DENND2A: variants seen among roughly 807,000 people sequenced by gnomAD.
DENND2A encodes the protein DENN domain-containing protein 2A.
DENND2A carries 53 observed loss-of-function variants against 105.3 expected under a neutral mutation model. The observed-to-expected ratio is 0.50, with a 90% confidence interval of 0.40 to 0.63. DENND2A has a LOEUF of 0.63. Among genes scored for constraint, DENND2A ranks in the 30% least tolerant of loss-of-function variants. The pLI, the probability that DENND2A is intolerant of heterozygous loss-of-function variation, is 0.00. For synonymous variants in DENND2A, 522 were observed against 508.4 expected (o/e 1.03, Z -0.36); for missense variants, 1,138 against 1,279.6 (o/e 0.89, Z 1.69).
intron 1 of DENND2A, among the ~76,000 whole-genome samples, chr7:140,607,560 C>T (rs562154429): frequency 6.6e-6 from 1 of 152,278 alleles, no homozygotes; most frequent in Non-Finnish European, 1.5e-5. Flanking sequence ...TTAAAGAAGC[C>T]AGGCCCCAGG....
intron 14 of DENND2A, among the ~76,000 whole-genome samples, chr7:140,537,530 C>G (rs1796493591): frequency 6.6e-6 from 1 of 152,234 alleles, no homozygotes; most frequent in Non-Finnish European, 1.5e-5. Flanking sequence ...TAGCCTCAAA[C>G]TCCTGGGCTC....
intron 1 of DENND2A, among the ~76,000 whole-genome samples, chr7:140,638,372 T>C (rs1180716590): frequency 6.6e-6 from 1 of 152,224 alleles, no homozygotes; most frequent in Non-Finnish European, 1.5e-5. Context: ...TACTTGCTTT[T>C]AGTCTAAGTT....
At position 140,621,813 on chromosome 7, in the gene DENND2A, A is replaced by G. The variant is rs151139014; in HGVS notation, c.-247-16007T>C. On this transcript the variant is annotated intron_variant, in intron 1 of 19. Transcript: ENST00000496613. ...AGGTGAAAGTGAATGCCACTTGTGG[A>G]AGAGCAGCCCTGAGTTGGGCTTGAA... Among the ~76,000 whole-genome samples, 513 of 152,354 alleles carry G rather than the reference A, an allele frequency of 3.4e-3. 3 individuals are homozygous for G. The highest frequency in any genetic ancestry group is 5.3e-3 in the Admixed American group (81 of 15,302).
At chr7:140,619,478 C>T (rs1800200740) in intron 1 of DENND2A, among the ~76,000 whole-genome samples, 1 of 151,084 alleles carries the variant, frequency 6.6e-6, no homozygotes, top group Non-Finnish European at 1.5e-5. Context: ...CACAACTCCA[C>T]AAATACACTA....
chr7:140,563,589 T>C (rs1316309483), intron 9 of DENND2A, among the ~76,000 whole-genome samples: 5 of 149,396 alleles, frequency 3.3e-5, no homozygotes, highest in Non-Finnish European at 5.9e-5. Flanking sequence ...AAAAGGGCCT[T>C]TCTACAGAGG....
At chr7:140,530,226 C>T (rs117576689) in intron 14 of DENND2A, among the ~76,000 whole-genome samples, 1 of 152,002 alleles carries the variant, frequency 6.6e-6, no homozygotes, top group Non-Finnish European at 1.5e-5. Flanking sequence ...CCTGTCTCAA[C>T]AACAACAAAA....
At chr7:140,532,991 C>CTTT (rs3042406) in intron 14 of DENND2A, among the ~76,000 whole-genome samples, 3,170 of 120,106 alleles carry the variant, frequency 0.026, 253 homozygotes, top group African/African-American at 0.081. Flanking sequence ...AGGCTACCTG[C>CTTT]TTTTTTTTTT....
chr7:140,528,668 G>A (rs1796146219), intron 14 of DENND2A, among the ~76,000 whole-genome samples: 1 of 151,618 alleles, frequency 6.6e-6, no homozygotes, highest in South Asian at 2.1e-4. Context: ...GCTGAGGCAG[G>A]AGAATCGGTT....
intron 6 of DENND2A, among the ~76,000 whole-genome samples, chr7:140,572,495 G>T (rs1409941737): frequency 6.6e-6 from 1 of 151,316 alleles, no homozygotes; most frequent in East Asian, 2.0e-4. Flanking sequence ...GGGCACGGTG[G>T]CTCATGCCTG....
At chr7:140,585,216 A>G (rs1318890427) in intron 5 of DENND2A, among the ~76,000 whole-genome samples, 1 of 152,182 alleles carries the variant, frequency 6.6e-6, no homozygotes, top group Non-Finnish European at 1.5e-5. Flanking sequence ...AATCAACAAC[A>G]ACAACCCACA....
chr7:140,556,215 G>A (rs7782076), intron 11 of DENND2A, among the ~76,000 whole-genome samples: 80,992 of 151,572 alleles, frequency 0.53, 22,480 homozygotes, highest in East Asian at 0.84. Context: ...AAGGGGTTTC[G>A]CCATATTGGC....
intron 12 of DENND2A, among the ~76,000 whole-genome samples, chr7:140,554,174 C>T (rs1452261406): frequency 3.3e-5 from 5 of 151,396 alleles, no homozygotes. Flanking sequence ...TGCAGTGAGC[C>T]GAGGTCGCAC....
chr7:140,593,904 T>C (rs1315662214), intron 3 of DENND2A, among the ~76,000 whole-genome samples: 1 of 152,044 alleles, frequency 6.6e-6, no homozygotes, highest in African/African-American at 2.4e-5. Flanking sequence ...CAAATCTTTT[T>C]TTTTTTTTTC....
chr7:140,579,314 T>TAAA (rs897267437), intron 5 of DENND2A, among the ~76,000 whole-genome samples: 4 of 150,822 alleles, frequency 2.7e-5, no homozygotes, highest in African/African-American at 4.9e-5. Flanking sequence ...ATAATAATAA[T>TAAA]AAAAAGAAAT....
intron 3 of DENND2A, among the ~76,000 whole-genome samples, chr7:140,592,245 C>T (rs374647767): frequency 9.7e-4 from 144 of 148,774 alleles, no homozygotes; most frequent in Middle Eastern, 3.7e-3. Flanking sequence ...CTCGCTCTGT[C>T]GCCCAGACTG....
At chr7:140,637,981 G>C (rs543923610) in intron 1 of DENND2A, among the ~76,000 whole-genome samples, 1 of 152,110 alleles carries the variant, frequency 6.6e-6, no homozygotes, top group Non-Finnish European at 1.5e-5. Context: ...CCTCACAGAA[G>C]TGCAGTTCAC....
intron 19 of DENND2A, 66 bp downstream of exon 19, chr7:140,519,566 G>A (rs1253823692): frequency 4.8e-6 from 7 of 1,453,092 alleles, no homozygotes; most frequent in African/African-American, 1.4e-5. Flanking sequence ...GGAGGGAACC[G>A]GCTGGGACTC....
intron 3 of DENND2A, among the ~76,000 whole-genome samples, chr7:140,595,526 T>C (rs111458013): frequency 0.047 from 7,104 of 152,198 alleles, 525 homozygotes; most frequent in African/African-American, 0.16. Context: ...CCTAGCACTT[T>C]GGTAGGCTGA....
At position 140,578,482 on chromosome 7, in the gene DENND2A, GCTGT is replaced by G. The variant is rs908686466; in HGVS notation, c.1246-4478_1246-4475del. On this transcript the variant is annotated intron_variant, in intron 5 of 19. Coordinates refer to ENST00000496613, the MANE Select transcript of DENND2A (RefSeq NM_015689.5). Reference sequence around the variant, plus strand: ...TTCCTACTCTTAGGAGACCTCCTGTGCTGTCTGTCATTCACACAAACATACATAT... The same window carrying G: ...TTCCTACTCTTAGGAGACCTCCTGTGCTGTCATTCACACAAACATACATAT... 3.3e-5 allele frequency among the ~76,000 whole-genome samples: 5 copies of G among 152,314 alleles called. No individual in the cohort carries two copies. In the East Asian group the frequency reaches 7.7e-4, roughly 23 times the overall value.
Sources: allele counts gnomAD v4.1 joint callset (sites outside exome capture counted in the v4.1 genomes callset), GRCh38; gene constraint gnomAD v4.1.1; transcripts MANE v1.5; gene names NCBI Gene and HGNC (gene_info 2026-07-23, HGNC 2026-07-21).